The following SLC41A2 variants were observed in gnomAD, a reference collection of about 807,000 sequenced individuals.
The protein encoded by SLC41A2 is solute carrier family 41 member 2, also known as SLC41A1-like 1.
In SLC41A2, 32 loss-of-function variants were observed where a neutral mutation model predicts 58.3. The observed-to-expected ratio is 0.55, with a 90% CI of 0.41 to 0.74. SLC41A2 has a LOEUF of 0.74. SLC41A2 is among the 30% of genes least tolerant of loss of function. The pLI is 0.00. For missense variants in SLC41A2, 514 were observed against 680.6 expected (o/e 0.76, Z 2.72); for synonymous variants, 190 against 235.0 (o/e 0.81, Z 1.75).
chr12:104,928,502 ATAGAT>A lies in SLC41A2; in HGVS notation c.21_25del (p.Arg7SerfsTer4). 4 of 1,521,842 alleles carry A rather than the reference ATAGAT, an allele frequency of 2.6e-6. No homozygotes were observed. The highest frequency in any genetic ancestry group is 3.5e-6 in the Non-Finnish European group (4 of 1,133,714). The allele number at this position is 1,521,842 out of a possible 1,614,324, so 94.3% of individuals were successfully genotyped here. The stretch of plus-strand genomic sequence containing the variant: ...TGGACCACCACTTGTTTTATCGGTA[ATAGAT>A]CTTCCTTTACTATTAGTCATATTGT... On this transcript the variant is annotated frameshift_variant, in exon 2 of 11. Transcript: ENST00000258538. LOFTEE classifies it high-confidence loss of function.
intron 1 of SLC41A2, among the ~76,000 whole-genome samples, chr12:104,936,307 G>A (rs1028355042): frequency 6.6e-6 from 1 of 152,114 alleles, no homozygotes; most frequent in Non-Finnish European, 1.5e-5. Context: ...TCCTTTGTGT[G>A]CTACTGGCCC....
intron 6 of SLC41A2, among the ~76,000 whole-genome samples, chr12:104,871,480 A>T (rs1257291091): frequency 6.6e-6 from 1 of 152,192 alleles, no homozygotes; most frequent in Non-Finnish European, 1.5e-5. Flanking sequence ...ACAAAAGTAT[A>T]TCAGAATCCA....
intron 4 of SLC41A2, among the ~76,000 whole-genome samples, chr12:104,890,678 A>G (rs1315430968): frequency 6.6e-6 from 1 of 152,234 alleles, no homozygotes; most frequent in African/African-American, 2.4e-5. Context: ...AGTAGATGTG[A>G]AGGTTAACAG....
At chr12:104,889,818 A>G (rs1470101195) in intron 4 of SLC41A2, among the ~76,000 whole-genome samples, 1 of 152,176 alleles carries the variant, frequency 6.6e-6, no homozygotes, top group Non-Finnish European at 1.5e-5. Flanking sequence ...CTAATCAGTA[A>G]GACCACAATA....
At chr12:104,828,305 C>T (rs776076443) in intron 10 of SLC41A2, among the ~76,000 whole-genome samples, 78 of 152,204 alleles carry the variant, frequency 5.1e-4, no homozygotes, top group Non-Finnish European at 1.5e-4. Context: ...CCTTCTGGCT[C>T]CCCCATCTGC....
At chr12:104,892,673 G>C (rs1181760584) in intron 4 of SLC41A2, among the ~76,000 whole-genome samples, 7 of 152,082 alleles carry the variant, frequency 4.6e-5, no homozygotes, top group African/African-American at 1.2e-4. Context: ...ACCAATGGAA[G>C]AGAATAGAGA....
chr12:104,877,940 C>T (rs2044136569), intron 6 of SLC41A2, among the ~76,000 whole-genome samples: 1 of 151,962 alleles, frequency 6.6e-6, no homozygotes, highest in Admixed American at 6.6e-5. Flanking sequence ...ACCCCGGAGG[C>T]AGAGGTCTCA....
chr12:104,872,227 G>A (rs2043818146), intron 6 of SLC41A2, among the ~76,000 whole-genome samples: 1 of 152,132 alleles, frequency 6.6e-6, no homozygotes, highest in Non-Finnish European at 1.5e-5. Context: ...GACTCCGCGA[G>A]GCCTAAATAC....
intron 8 of SLC41A2, among the ~76,000 whole-genome samples, chr12:104,860,637 T>C (rs1462056082): frequency 6.6e-6 from 1 of 152,122 alleles, no homozygotes. Context: ...CAGGCTAGCA[T>C]GCAGTGGCTT....
intron 2 of SLC41A2, among the ~76,000 whole-genome samples, chr12:104,926,599 A>T (rs150470461): frequency 1.2e-3 from 175 of 152,166 alleles, no homozygotes; most frequent in African/African-American, 3.8e-3. Context: ...AAAAAAATAA[A>T]AAAAAAAAGA....
At chr12:104,913,586 T>C (rs927982312) in intron 2 of SLC41A2, among the ~76,000 whole-genome samples, 2 of 152,208 alleles carry the variant, frequency 1.3e-5, no homozygotes, top group Non-Finnish European at 2.9e-5. Flanking sequence ...TCTTATAGCA[T>C]ATTAAATACG....
chr12:104,932,328 C>T (rs1162284494), intron 1 of SLC41A2, among the ~76,000 whole-genome samples: 1 of 152,088 alleles, frequency 6.6e-6, no homozygotes, highest in Non-Finnish European at 1.5e-5. Flanking sequence ...TCAAACTATA[C>T]TATAAGGATA....
At chr12:104,925,662 A>T (rs1271762729) in intron 2 of SLC41A2, among the ~76,000 whole-genome samples, 1 of 152,246 alleles carries the variant, frequency 6.6e-6, no homozygotes, top group Non-Finnish European at 1.5e-5. Context: ...TCATAAAATC[A>T]TAAAAGGAAC....
At chr12:104,957,461 G>A (rs138602134) in intron 1 of SLC41A2, among the ~76,000 whole-genome samples, 9 of 152,192 alleles carry the variant, frequency 5.9e-5, no homozygotes, top group Non-Finnish European at 1.2e-4. Flanking sequence ...GGAAAACTCT[G>A]TGAATATATT....
chr12:104,930,955 G>C (rs886339853), intron 1 of SLC41A2, among the ~76,000 whole-genome samples: 1 of 152,124 alleles, frequency 6.6e-6, no homozygotes, highest in Admixed American at 6.5e-5. Flanking sequence ...TTCTTACTTC[G>C]GTATAAGCTA....
intron 10 of SLC41A2, among the ~76,000 whole-genome samples, chr12:104,815,086 T>TAAAGGTATTGTG (rs376300220): frequency 1.5e-3 from 221 of 152,384 alleles, no homozygotes; most frequent in Middle Eastern, 0.01. Context: ...AATTTATTTT[T>TAAAGGTATTGTG]AAAGGTATTG....
chr12:104,853,911 A>ATTATTATTATTTTTTTTTTTTTTTTTTT, intron 8 of SLC41A2, among the ~76,000 whole-genome samples: 1 of 59,494 alleles, frequency 1.7e-5, no homozygotes. Context: ...TGCCTGGCTG[A>ATTATTATTATTTTTTTTTTTTTTTTTTT]TTTTTTTTTT....
At chr12:104,924,476 G>A (rs1039161964) in intron 2 of SLC41A2, among the ~76,000 whole-genome samples, 4 of 152,192 alleles carry the variant, frequency 2.6e-5, no homozygotes, top group Non-Finnish European at 5.9e-5. Context: ...CTGGTGTGGT[G>A]GCTCACGCCT....
intron 2 of SLC41A2, among the ~76,000 whole-genome samples, chr12:104,927,231 G>A (rs1001008297): frequency 6.6e-6 from 1 of 151,972 alleles, no homozygotes; most frequent in African/African-American, 2.4e-5. Context: ...ATCCAACAAT[G>A]CTGTTTTTAA....
Sources: allele counts gnomAD v4.1 joint callset (sites outside exome capture counted in the v4.1 genomes callset), GRCh38; gene constraint gnomAD v4.1.1; transcripts MANE v1.5; gene names NCBI Gene and HGNC (gene_info 2026-07-23, HGNC 2026-07-21).